Variants in FRMPD4 observed in about 807,000 individuals in gnomAD.
FRMPD4 encodes the protein FERM and PDZ domain containing 4.
FRMPD4 carries 22 observed loss-of-function variants against 94.1 expected under a neutral mutation model. The ratio of observed to expected loss-of-function variants is 0.23; its 90% CI spans 0.17 to 0.33. The LOEUF (loss-of-function observed/expected upper bound fraction) is 0.33. Ranked by LOEUF, FRMPD4 falls within the 10% of genes least tolerant of loss-of-function variation. FRMPD4 has a pLI of 1.00. For missense variants in FRMPD4, 1,111 were observed against 1,339.9 expected, an observed-to-expected ratio of 0.83 and a Z score of 2.67; for synonymous variants, 631 against 548.6, an observed-to-expected ratio of 1.15 and a Z score of -2.10.
At chrX:12,170,905 A>G (rs5003957) in intron 1 of FRMPD4, among the ~76,000 whole-genome samples, 27,062 of 112,529 alleles carry the variant, frequency 0.24, 2,295 homozygotes, top group South Asian at 0.39. Flanking sequence ...GTGGCTTTCC[A>G]TTCACTGGTG....
intron 2 of FRMPD4, among the ~76,000 whole-genome samples, chrX:12,534,146 T>G (rs1405682183): frequency 8.8e-6 from 1 of 113,008 alleles, no homozygotes; most frequent in Non-Finnish European, 1.9e-5. Flanking sequence ...ATGTAGAGCT[T>G]GGGCTGTGGC....
chrX:12,514,662 C>T (rs1227136443), intron 2 of FRMPD4, among the ~76,000 whole-genome samples: 2 of 111,405 alleles, frequency 1.8e-5, no homozygotes, highest in East Asian at 5.6e-4. Context: ...GGGATATTGG[C>T]CTGAAGTTTT....
chrX:12,025,834 G>A (rs759807043), intron 3 of FRMPD4, among the ~76,000 whole-genome samples: 4 of 111,915 alleles, frequency 3.6e-5, no homozygotes, highest in African/African-American at 1.3e-4. Flanking sequence ...CCTGATGACT[G>A]CAACTACTGC....
At chrX:12,532,615 GCTT>G (rs747147838) in intron 2 of FRMPD4, among the ~76,000 whole-genome samples, 1 of 112,018 alleles carries the variant, frequency 8.9e-6, no homozygotes, top group South Asian at 3.8e-4. Context: ...AAAATTTGGT[GCTT>G]ATTAGACTCT....
chrX:12,164,302 T>G (rs1433934105), intron 1 of FRMPD4, among the ~76,000 whole-genome samples: 2 of 111,445 alleles, frequency 1.8e-5, no homozygotes, highest in African/African-American at 6.5e-5. Flanking sequence ...CGGTGTTTGT[T>G]TTTTTTGTCC....
chrX:12,585,379 C>A (rs1026866883), intron 2 of FRMPD4, among the ~76,000 whole-genome samples: 1 of 110,765 alleles, frequency 9.0e-6, no homozygotes, highest in Non-Finnish European at 1.9e-5. Context: ...TGCCACCACA[C>A]CCAGCTAATT....
intron 1 of FRMPD4, among the ~76,000 whole-genome samples, chrX:12,194,222 A>G (rs1055833477): frequency 9.0e-6 from 1 of 111,270 alleles, no homozygotes; most frequent in Non-Finnish European, 1.9e-5. Flanking sequence ...CATTTCATCA[A>G]TGAAAAATAA....
intron 1 of FRMPD4, among the ~76,000 whole-genome samples, chrX:12,314,381 T>C (rs1207589308): frequency 9.0e-6 from 1 of 111,177 alleles, no homozygotes; most frequent in Non-Finnish European, 1.9e-5. Flanking sequence ...GTCTGAAAGC[T>C]GTGGCTTGCA....
At chrX:12,487,937 A>T (rs1004831321) in intron 1 of FRMPD4, among the ~76,000 whole-genome samples, 1 of 112,239 alleles carries the variant, frequency 8.9e-6, no homozygotes. Flanking sequence ...GAATTAGATA[A>T]AAATAAAGTA....
chrX:12,661,806 G>T, intron 4 of FRMPD4, among the ~76,000 whole-genome samples: 1 of 112,015 alleles, frequency 8.9e-6, no homozygotes, highest in African/African-American at 3.2e-5. Context: ...TCTCTTCAGA[G>T]TGTTGCAAAG....
At chrX:12,331,635 AT>A (rs1454835852) in intron 1 of FRMPD4, among the ~76,000 whole-genome samples, 13 of 71,759 alleles carry the variant, frequency 1.8e-4, no homozygotes, top group South Asian at 5.7e-4. Flanking sequence ...TTACATATAA[AT>A]TATATAAATT....
intron 3 of FRMPD4, among the ~76,000 whole-genome samples, chrX:12,109,656 A>G (rs955061280): frequency 2.7e-5 from 3 of 111,884 alleles, no homozygotes; most frequent in Non-Finnish European, 5.6e-5. Context: ...GAAAAGATCA[A>G]CAAAATTGAT....
chrX:12,704,803 A>G (rs1355741407), intron 11 of FRMPD4, among the ~76,000 whole-genome samples: 1 of 112,397 alleles, frequency 8.9e-6, no homozygotes, highest in African/African-American at 3.2e-5. Flanking sequence ...AAATCATTCT[A>G]TGTTTCAATC....
intron 8 of FRMPD4, among the ~76,000 whole-genome samples, chrX:12,691,992 G>A (rs900069951): frequency 8.9e-6 from 1 of 111,872 alleles, no homozygotes; most frequent in Admixed American, 9.5e-5. Context: ...ATGCCAAGGG[G>A]AAATGGGCAG....
intron 1 of FRMPD4, among the ~76,000 whole-genome samples, chrX:12,244,665 A>C (rs1036493359): frequency 1.8e-5 from 2 of 112,606 alleles, no homozygotes; most frequent in African/African-American, 3.2e-5. Flanking sequence ...TTTGGAGGAA[A>C]AGTTTACCAG....
chrX:11,919,670 C>A (rs760423106), intron 3 of FRMPD4, among the ~76,000 whole-genome samples: 1 of 111,554 alleles, frequency 9.0e-6, no homozygotes, highest in South Asian at 3.9e-4. Context: ...GGAGCTCCAC[C>A]GTGAAAACTA....
intron 1 of FRMPD4, chrX:12,396,025 G>C: frequency 6.8e-6 from 1 of 146,718 alleles, no homozygotes; most frequent in Non-Finnish European, 1.4e-5. Flanking sequence ...CCTTTTTTAG[G>C]CCAGCTTGGT....
chrX:12,298,733 A>G (rs1601792880), intron 1 of FRMPD4, among the ~76,000 whole-genome samples: 1 of 112,506 alleles, frequency 8.9e-6, no homozygotes, highest in East Asian at 2.8e-4. Context: ...TCTGATTTGA[A>G]TATAAATTGG....
chrX:12,108,793 A>T (rs2055326191), intron 3 of FRMPD4, among the ~76,000 whole-genome samples: 2 of 111,931 alleles, frequency 1.8e-5, no homozygotes, highest in Non-Finnish European at 3.8e-5. Flanking sequence ...GATAAAACAG[A>T]CTTTAAACCA....
Sources: allele counts gnomAD v4.1 joint callset (sites outside exome capture counted in the v4.1 genomes callset), GRCh38; gene constraint gnomAD v4.1.1; transcripts MANE v1.5; gene names NCBI Gene and HGNC (gene_info 2026-07-23, HGNC 2026-07-21).